Variants in SLC30A10 observed in about 807,000 individuals in gnomAD.
The protein encoded by SLC30A10 is calcium/manganese antiporter SLC30A10.
In SLC30A10, 8 loss-of-function variants were observed where a neutral mutation model predicts 21.7. That is an observed-to-expected ratio of 0.37 (90% CI 0.22 to 0.67). The LOEUF is 0.67. Among genes scored for constraint, SLC30A10 ranks in the 30% least tolerant of loss-of-function variants. The pLI, the probability that SLC30A10 is intolerant of heterozygous loss-of-function variation, is 0.58. For missense variants in SLC30A10, 521 were observed against 642.5 expected (o/e 0.81, Z 2.04); for synonymous variants, 272 against 279.4 (o/e 0.97, Z 0.26).
chr1:219,925,660 T>C (rs1304610660), intron 2 of SLC30A10, among the ~76,000 whole-genome samples: 2 of 107,794 alleles, frequency 1.9e-5, no homozygotes, highest in South Asian at 3.6e-4. Flanking sequence ...TATTTTTTTT[T>C]TTTTTTTTTT....
chr1:219,912,567 G>C lies in SLC30A10; in HGVS notation c.*2882C>G, dbSNP rs576916836. Among the ~76,000 whole-genome samples the C allele has an allele frequency of 2.0e-5, 3 of 152,330 alleles. No homozygotes were observed. Among genetic ancestry groups the C allele is most frequent in the South Asian group, 2.1e-4 (1 of 4,824 alleles). ...ATGTCAGTTCTGGCCGGGCGCAGTG[G>C]CTTACGCCTGTAATCCCAGCACTTT... On this transcript the variant is annotated 3_prime_UTR_variant, in exon 4 of 4. Transcript: ENST00000366926.
intron 1 of SLC30A10, among the ~76,000 whole-genome samples, chr1:219,948,298 C>T (rs1223118880): frequency 2.6e-5 from 4 of 151,342 alleles, no homozygotes; most frequent in Admixed American, 6.6e-5. Context: ...GAGCCCGCAT[C>T]GCCAAGTCAA....
rs1329311769 is a variant in SLC30A10 at position 219,911,554 on chromosome 1, T to C, written c.*3895A>G. ...AGTGAGACCAAATGCTTTTTCTTCATTTCATTTACTGTTATAATGACTGAT... is the reference window on the plus strand; with the variant it reads ...AGTGAGACCAAATGCTTTTTCTTCACTTCATTTACTGTTATAATGACTGAT... On this transcript the variant is annotated 3_prime_UTR_variant, in exon 4 of 4. Coordinates refer to ENST00000366926, the MANE Select transcript of SLC30A10 (RefSeq NM_018713.3). Among the ~76,000 whole-genome samples, 1 of 152,166 alleles carries C rather than the reference T, an allele frequency of 6.6e-6. No homozygotes were observed. Among genetic ancestry groups the C allele is most frequent in the Non-Finnish European group, 1.5e-5 (1 of 68,018 alleles).
rs1659464204 is a variant in SLC30A10, at chr1:219,913,596, A to T, written c.*1853T>A. The T allele has an allele frequency of 6.6e-6, 1 of 152,208 alleles. No individual in the cohort carries two copies. Among genetic ancestry groups the T allele is most frequent in the South Asian group, 2.1e-4 (1 of 4,834 alleles). The allele number at this position is 152,208 out of a possible 1,614,324, so 9.4% of individuals were successfully genotyped here. Reference sequence around the variant, plus strand: ...CATGCCAAGTTTCTTAAGAGGATGCACTGTTTTGTGTGAGTACATGCCACA... The same window carrying T: ...CATGCCAAGTTTCTTAAGAGGATGCTCTGTTTTGTGTGAGTACATGCCACA... On this transcript the variant is annotated 3_prime_UTR_variant, in exon 4 of 4. Transcript: ENST00000366926.
Position 219,925,653 on chromosome 1 carries a change from T to TA in SLC30A10, c.718+1374_718+1375insT, listed in dbSNP as rs1558253395. On this transcript the variant is annotated intron_variant, in intron 2 of 3. Transcript: ENST00000366926. ...TGTACATATATATATATATATATAT[T>TA]TTTTTTTTTTTTTTTTTTTTGAGAC... Among the ~76,000 whole-genome samples the TA allele has an allele frequency of 9.3e-3, 429 of 45,996 alleles. 2 individuals are homozygous for TA. The highest frequency in any genetic ancestry group is 0.012 in the Non-Finnish European group (329 of 27,322). 30.2% of individuals were successfully genotyped at this position (45,996 alleles called of 152,430 possible).
intron 1 of SLC30A10, among the ~76,000 whole-genome samples, chr1:219,953,735 C>T (rs924935772): frequency 7.0e-6 from 1 of 142,736 alleles, no homozygotes; most frequent in South Asian, 2.1e-4. Flanking sequence ...GAGACTGAGT[C>T]TTGCTCTGTT....
At chr1:219,942,017 T>C (rs1041380831) in intron 1 of SLC30A10, among the ~76,000 whole-genome samples, 1 of 152,234 alleles carries the variant, frequency 6.6e-6, no homozygotes, top group Admixed American at 6.5e-5. Flanking sequence ...AAGACTTCTT[T>C]CCTTTCTGAG....
chr1:219,939,935 T>G (rs1660098910), intron 1 of SLC30A10, among the ~76,000 whole-genome samples: 1 of 152,142 alleles, frequency 6.6e-6, no homozygotes, highest in Non-Finnish European at 1.5e-5. Context: ...GTGATGAGAA[T>G]CATAGCCAAG....
Position 219,918,735 on chromosome 1 carries a change from C to A in SLC30A10, c.719-241G>T. On this transcript the variant is annotated intron_variant, in intron 2 of 3. Coordinates refer to ENST00000366926, the MANE Select transcript of SLC30A10 (RefSeq NM_018713.3). The surrounding 1 kb of genome is among the most constrained non-coding windows in gnomAD (Gnocchi z 4.4). ...GAGCAACAGCCTAGGAAGATTCTGA[C>A]CTGCAGGAAGAGCGACTGTGCCGTC... is the stretch of plus-strand genomic sequence containing the variant. 1 of 412,310 alleles carries A rather than the reference C, an allele frequency of 2.4e-6. No homozygotes were observed. Among genetic ancestry groups the A allele is most frequent in the Non-Finnish European group, 4.2e-6 (1 of 236,866 alleles). The allele number at this position is 412,310 out of a possible 1,614,324, so 25.5% of individuals were successfully genotyped here. A position where few individuals can be genotyped will look rare whatever the true frequency, so the allele number is the denominator to read the frequency against.
rs755025720 is a variant in SLC30A10, at chr1:219,928,470, G to T, written c.-30C>A. ...CCACCAGCCCCGGGCGCCCGGCGCC[G>T]CCCAGGGGAGCGCAGCCCACCCCGC... On this transcript the variant is annotated 5_prime_UTR_variant, in exon 1 of 4. Transcript: ENST00000366926. The surrounding 1 kb of genome is among the most constrained non-coding windows in gnomAD (Gnocchi z 6.3). 5.2e-6 allele frequency: 8 copies of T among 1,537,634 alleles called. No individual in the cohort carries two copies. The East Asian group carries it at 7.0e-5, about 14-fold the overall frequency.
rs763963615 is a variant in SLC30A10, at chr1:219,915,528, T to C, written c.1379A>G (p.Asp460Gly). 8 of 1,614,214 alleles carry C rather than the reference T, an allele frequency of 5.0e-6. No homozygotes were observed. Among genetic ancestry groups the C allele is most frequent in the Non-Finnish European group, 6.8e-6 (8 of 1,180,030 alleles). Residue 460 changes from aspartate to glycine, a missense_variant, in exon 4 of 4, where the codon GAT (aspartate) becomes GGT (glycine). By Grantham distance (94) the Asp-to-Gly change is moderately conservative (BLOSUM62 -1). Coordinates refer to ENST00000366926, the MANE Select transcript of SLC30A10 (RefSeq NM_018713.3). ...TTGTCCGTGGTCACTCAGACAGCTA[T>C]CCAAAGACACTTCAATAGCCACTTC... ...AREVAIEVSL[D>G]SCLSDHGQSL...
Position 219,918,718 on chromosome 1 carries a change from G to A in SLC30A10, c.719-224C>T. 2.2e-6 allele frequency: 1 copy of A among 452,256 alleles called. No homozygotes were observed. The allele number at this position is 452,256 out of a possible 1,614,324, so 28.0% of individuals were successfully genotyped here. The stretch of plus-strand genomic sequence containing the variant: ...CTCAGAGTACCTTGGAAGAGCAACA[G>A]CCTAGGAAGATTCTGACCTGCAGGA... On this transcript the variant is annotated intron_variant, in intron 2 of 3. Coordinates refer to ENST00000366926, the MANE Select transcript of SLC30A10 (RefSeq NM_018713.3). This position sits in a 1 kb window ranked among gnomAD's most constrained non-coding sequence, Gnocchi z 4.4.
intron 1 of SLC30A10, among the ~76,000 whole-genome samples, chr1:219,949,611 G>T (rs1332042773): frequency 3.3e-5 from 5 of 152,044 alleles, no homozygotes; most frequent in African/African-American, 1.2e-4. Context: ...CTGTTGGGGG[G>T]AGCGGGAAGG....
chr1:219,916,950 T>C (rs1659558042), intron 3 of SLC30A10, among the ~76,000 whole-genome samples: 1 of 151,076 alleles, frequency 6.6e-6, no homozygotes, highest in Admixed American at 6.6e-5. Flanking sequence ...ATTGCTATTG[T>C]TATTACTATC....
upstream of SLC30A10, among the ~76,000 whole-genome samples, chr1:219,930,961 A>G (rs922024197): frequency 2.0e-5 from 3 of 152,234 alleles, no homozygotes; most frequent in African/African-American, 7.2e-5. Context: ...ACAACAGATG[A>G]GACACTCTAA....
At chr1:219,941,567 TCCTC>T (rs1219335609) in intron 1 of SLC30A10, among the ~76,000 whole-genome samples, 3 of 122,344 alleles carry the variant, frequency 2.5e-5, no homozygotes, top group Admixed American at 8.0e-5. Context: ...CTTCCTTCCT[TCCTC>T]CCTCCCTTCC....
chr1:219,939,441 TC>T (rs1237588133), intron 1 of SLC30A10, among the ~76,000 whole-genome samples: 6 of 152,156 alleles, frequency 3.9e-5, no homozygotes, highest in Non-Finnish European at 8.8e-5. Context: ...CCTTTTTTTT[TC>T]TTTGAGACCA....
chr1:219,927,384 G>A (rs901584956), intron 1 of SLC30A10, among the ~76,000 whole-genome samples: 2 of 151,916 alleles, frequency 1.3e-5, no homozygotes, highest in African/African-American at 4.8e-5. Flanking sequence ...GAAGACAAAC[G>A]GATGGGCAAA....
intron 1 of SLC30A10, among the ~76,000 whole-genome samples, chr1:219,941,265 AT>A (rs1377113276): frequency 2.0e-5 from 3 of 152,198 alleles, no homozygotes; most frequent in African/African-American, 7.2e-5. Flanking sequence ...AACAAGACAA[AT>A]TTGAAGCCTT....
Sources: gnomAD v4.1 joint callset for allele counts (sites outside exome capture counted in the v4.1 genomes callset) on GRCh38, gnomAD v4.1.1 for gene constraint, Gnocchi (gnomAD v3.1) non-coding constraint, MANE v1.5 for transcripts, NCBI Gene and HGNC (gene_info 2026-07-23, HGNC 2026-07-21) for gene names.